CSMD1: variants seen among roughly 807,000 people sequenced by gnomAD.
CSMD1 encodes the protein CUB and sushi domain-containing protein 1.
In CSMD1, 213 loss-of-function variants were observed where a neutral mutation model predicts 417.5. The observed-to-expected ratio is 0.51, with a 90% CI of 0.46 to 0.57. The LOEUF is 0.57. Ranked by LOEUF, CSMD1 falls within the 20% of genes least tolerant of loss-of-function variation. The pLI is 0.00. For missense variants in CSMD1, 6,923 were observed against 4,529.7 expected, an observed-to-expected ratio of 1.53 and a Z score of -15.17; for synonymous variants, 2,862 against 1,736.8, an observed-to-expected ratio of 1.65 and a Z score of -16.11.
chr8:3,577,563 G>A (rs939726630), intron 9 of CSMD1, among the ~76,000 whole-genome samples: 26 of 152,172 alleles, frequency 1.7e-4, no homozygotes, highest in African/African-American at 6.3e-4. Context: ...TTGTTCATTT[G>A]TTTAACTTTG....
chr8:4,886,469 G>C (rs1233832137), intron 1 of CSMD1, among the ~76,000 whole-genome samples: 1 of 151,940 alleles, frequency 6.6e-6, no homozygotes, highest in Non-Finnish European at 1.5e-5. Context: ...ATTTCTTTAT[G>C]ATGTCTTTTT....
At chr8:3,091,239 T>G (rs1355380247) in intron 48 of CSMD1, among the ~76,000 whole-genome samples, 1 of 152,040 alleles carries the variant, frequency 6.6e-6, no homozygotes, top group African/African-American at 2.4e-5. Flanking sequence ...TTTGATTATA[T>G]TAGTTTATCT....
intron 6 of CSMD1, among the ~76,000 whole-genome samples, chr8:3,720,620 T>TTCACACACACACACACACACAC (rs72331833): frequency 6.3e-4 from 90 of 143,418 alleles, no homozygotes; most frequent in African/African-American, 2.3e-3. Flanking sequence ...TCTTTATTCT[T>TTCACACACACACACACACACAC]ACACACACAC....
intron 5 of CSMD1, among the ~76,000 whole-genome samples, chr8:3,938,926 A>T (rs1742616549): frequency 6.6e-6 from 1 of 152,174 alleles, no homozygotes; most frequent in African/African-American, 2.4e-5. Flanking sequence ...ATTCTCAAAC[A>T]CAGTAACATT....
chr8:3,312,594 A>G (rs1399599855), intron 23 of CSMD1, among the ~76,000 whole-genome samples: 1 of 152,192 alleles, frequency 6.6e-6, no homozygotes, highest in Non-Finnish European at 1.5e-5. Flanking sequence ...TGGGAGAATC[A>G]TAGGCCTTTA....
chr8:4,850,564 G>A (rs1476019847), intron 1 of CSMD1, among the ~76,000 whole-genome samples: 1 of 151,694 alleles, frequency 6.6e-6, no homozygotes, highest in East Asian at 1.9e-4. Flanking sequence ...CTCTCTCCCA[G>A]GACTTCAGCG....
At chr8:3,025,972 G>A (rs1256379430) in intron 51 of CSMD1, among the ~76,000 whole-genome samples, 3 of 152,172 alleles carry the variant, frequency 2.0e-5, no homozygotes, top group African/African-American at 4.8e-5. Flanking sequence ...GTGGTAGGCA[G>A]AATTCGAAGG....
chr8:3,962,632 G>A (rs528496243), intron 5 of CSMD1, among the ~76,000 whole-genome samples: 2 of 152,294 alleles, frequency 1.3e-5, no homozygotes, highest in South Asian at 2.1e-4. Flanking sequence ...CTGAAAAGGA[G>A]AGCATGGACA....
At chr8:4,659,408 G>A (rs1243047634) in intron 1 of CSMD1, among the ~76,000 whole-genome samples, 2 of 152,102 alleles carry the variant, frequency 1.3e-5, no homozygotes, top group South Asian at 2.1e-4. Flanking sequence ...CAAAACAATA[G>A]AATCTACAAA....
intron 5 of CSMD1, among the ~76,000 whole-genome samples, chr8:3,921,450 G>C (rs1809256104): frequency 6.6e-6 from 1 of 151,670 alleles, no homozygotes; most frequent in Non-Finnish European, 1.5e-5. Context: ...AGCTTGGTTT[G>C]TTCTTTTCCT....
intron 2 of CSMD1, among the ~76,000 whole-genome samples, chr8:4,485,002 AAAAAAAAAAAAAAAAAAAG>A (rs1801299408): frequency 4.2e-5 from 6 of 142,286 alleles, no homozygotes; most frequent in Non-Finnish European, 7.6e-5. Flanking sequence ...AAAAAAAAAA[AAAAAAAAAAAAAAAAAAAG>A]AAAGAGTCAC....
At chr8:3,364,407 G>T (rs976386340) in intron 20 of CSMD1, among the ~76,000 whole-genome samples, 1 of 152,160 alleles carries the variant, frequency 6.6e-6, no homozygotes, top group African/African-American at 2.4e-5. Context: ...ATGTTTAAAT[G>T]AATTGTTCTG....
Position 3,940,369 on chromosome 8 carries a change from T to G in CSMD1, c.818+57534A>C, listed in dbSNP as rs1208266362. 1.3e-5 allele frequency among the ~76,000 whole-genome samples: 2 copies of G among 152,086 alleles called. 1 individual carries two copies. Among genetic ancestry groups the G allele is most frequent in the Non-Finnish European group, 2.9e-5 (2 of 67,996 alleles). ...GTTAGCAATGGTGGGGGGAAAACAG[T>G]ATGTTATTTTGAAAATTATATTGAA... On this transcript the variant is annotated intron_variant, in intron 5 of 69. Coordinates refer to ENST00000635120, the MANE Select transcript of CSMD1 (RefSeq NM_033225.6).
rs916858301 is a variant in CSMD1 at position 4,389,915 on chromosome 8, T to C, written c.415+30038A>G. On this transcript the variant is annotated intron_variant, in intron 3 of 69. Transcript: ENST00000635120. ...GGTTGTTTCCAGTTTTCCACTGTTATAATTCTAGGATGAATAGCTCTGTGT... is the reference window on the plus strand; with the variant it reads ...GGTTGTTTCCAGTTTTCCACTGTTACAATTCTAGGATGAATAGCTCTGTGT... Among the ~76,000 whole-genome samples the C allele has an allele frequency of 2.0e-5, 3 of 152,314 alleles. 1 individual carries two copies. The South Asian group carries it at 6.2e-4, about 32-fold the overall frequency.
chr8:3,906,992 TAAG>T (rs1176506395), intron 5 of CSMD1, among the ~76,000 whole-genome samples: 2 of 152,198 alleles, frequency 1.3e-5, no homozygotes, highest in East Asian at 3.9e-4. Flanking sequence ...AAACATGTTG[TAAG>T]AAGGTCTTCA....
chr8:3,305,880 C>T (rs1804798003), intron 25 of CSMD1, among the ~76,000 whole-genome samples: 2 of 152,056 alleles, frequency 1.3e-5, no homozygotes, highest in Admixed American at 6.6e-5. Context: ...AGGGGTTTCA[C>T]CATGTTAGCC....
intron 12 of CSMD1, among the ~76,000 whole-genome samples, chr8:3,438,246 T>C (rs1034686719): frequency 1.1e-4 from 17 of 152,224 alleles, no homozygotes; most frequent in African/African-American, 4.1e-4. Context: ...ATGTAAGTTT[T>C]AGGCAGTTAC....
At chr8:3,057,273 A>C (rs1234853287) in intron 49 of CSMD1, among the ~76,000 whole-genome samples, 2 of 152,206 alleles carry the variant, frequency 1.3e-5, no homozygotes, top group African/African-American at 4.8e-5. Context: ...CCTCAATTTG[A>C]ATTGTGTAAG....
chr8:3,331,742 A>C (rs1022538632), intron 23 of CSMD1, among the ~76,000 whole-genome samples: 2 of 152,216 alleles, frequency 1.3e-5, no homozygotes, highest in Non-Finnish European at 2.9e-5. Flanking sequence ...TGAACTTGGT[A>C]TCTGACCTTC....
Sources: gnomAD v4.1 joint callset for allele counts (sites outside exome capture counted in the v4.1 genomes callset) on GRCh38, gnomAD v4.1.1 for gene constraint, MANE v1.5 for transcripts, NCBI Gene and HGNC (gene_info 2026-07-23, HGNC 2026-07-21) for gene names.